The following FKBP9 variants were observed in gnomAD, a reference collection of about 807,000 sequenced individuals.
FKBP9 encodes the protein FKBP prolyl isomerase 9, also known as peptidyl-prolyl cis-trans isomerase FKBP9.
A neutral mutation model predicts 55.6 loss-of-function variants in FKBP9; 27 were observed. The observed-to-expected ratio is 0.49, with a 90% CI of 0.36 to 0.67. FKBP9 has a LOEUF of 0.67. FKBP9 is among the 30% of genes least tolerant of loss of function. The pLI is 0.00. For synonymous variants in FKBP9, 267 were observed against 296.5 expected (o/e 0.90, Z 1.02); for missense variants, 539 against 742.8 (o/e 0.73, Z 3.19).
At chr7:32,984,501 A>T (rs1421172593) in intron 5 of FKBP9, among the ~76,000 whole-genome samples, 14 of 151,702 alleles carry the variant, frequency 9.2e-5, no homozygotes. Context: ...CAAGTTATCC[A>T]CTCGCCTGGG....
intron 6 of FKBP9, among the ~76,000 whole-genome samples, chr7:32,993,641 A>G (rs1446165947): frequency 6.6e-6 from 1 of 152,286 alleles, no homozygotes; most frequent in Non-Finnish European, 1.5e-5. Flanking sequence ...CCTGGCCAAC[A>G]TGGTGAAACC....
intron 6 of FKBP9, chr7:32,993,057 A>G (rs1784715624): frequency 4.3e-6 from 1 of 232,450 alleles, no homozygotes; most frequent in South Asian, 1.8e-4. Flanking sequence ...GACTGCTGAC[A>G]TCAGATCCCA....
At chr7:32,985,419 G>A (rs1478938019) in intron 5 of FKBP9, among the ~76,000 whole-genome samples, 1 of 151,444 alleles carries the variant, frequency 6.6e-6, no homozygotes, top group African/African-American at 2.4e-5. Context: ...GACCTCAAGT[G>A]ATCACCCACC....
chr7:32,999,495 C>CT (rs1784887961), intron 7 of FKBP9, among the ~76,000 whole-genome samples: 1 of 131,380 alleles, frequency 7.6e-6, no homozygotes, highest in African/African-American at 2.9e-5. Context: ...TTTTTTTAGT[C>CT]TTAGACTGCT....
chr7:32,966,955 C>A (rs1784156922), intron 1 of FKBP9, among the ~76,000 whole-genome samples: 1 of 152,082 alleles, frequency 6.6e-6, no homozygotes, highest in Non-Finnish European at 1.5e-5. Context: ...TTGGCATGGA[C>A]ACAGATCCAA....
chr7:33,006,220 C>A lies in FKBP9; in HGVS notation c.*869C>A, dbSNP rs190150796. On this transcript the variant is annotated 3_prime_UTR_variant, in exon 10 of 10. Coordinates refer to ENST00000242209, the MANE Select transcript of FKBP9 (RefSeq NM_007270.5). ...GCAGCCTCCGCCTCCCGTATTCAAG[C>A]GATTCTCCTGTCTCAGCCTCCTGAG... 1 of 192,388 alleles carries A rather than the reference C, an allele frequency of 5.2e-6. No individual in the cohort carries two copies. The highest frequency in any genetic ancestry group is 8.2e-5 in the East Asian group (1 of 12,162). 11.9% of individuals were successfully genotyped at this position (192,388 alleles called of 1,614,324 possible).
intron 4 of FKBP9, among the ~76,000 whole-genome samples, chr7:32,978,346 C>A (rs1375176973): frequency 1.3e-5 from 2 of 151,716 alleles, no homozygotes; most frequent in African/African-American, 4.8e-5. Flanking sequence ...TCTTAATTCT[C>A]CCCCCCACTG....
chr7:32,964,509 A>G (rs1324531768), intron 1 of FKBP9, among the ~76,000 whole-genome samples: 2 of 152,224 alleles, frequency 1.3e-5, no homozygotes, highest in African/African-American at 4.8e-5. Flanking sequence ...CCAAGCCAAC[A>G]GCTCATGTTT....
Position 33,002,714 on chromosome 7 carries a change from A to G in FKBP9, c.1411A>G (p.Ile471Val), listed in dbSNP as rs780944160. Residue 471 changes from isoleucine to valine, a missense_variant, in exon 9 of 10, where the codon ATT (isoleucine) becomes GTT (valine). Physicochemically the swap from Ile to Val is conservative, Grantham distance 29. Coordinates refer to ENST00000242209, the MANE Select transcript of FKBP9 (RefSeq NM_007270.5). Reference protein sequence around the residue: ...VPGSAVLVFDIELLELVAGLP... With the variant: ...VPGSAVLVFDVELLELVAGLP... ...CGGCAGTGCCGTATTAGTGTTTGAC[A>G]TTGAGCTGCTGGAGCTGGTGGCTGG... is the stretch of plus-strand genomic sequence containing the variant. 13 of 1,614,058 alleles carry G rather than the reference A, an allele frequency of 8.1e-6. No individual in the cohort carries two copies. In the South Asian group the frequency reaches 1.2e-4, roughly 15 times the overall value.
chr7:33,002,423 A>G (rs1037023142), intron 8 of FKBP9, among the ~76,000 whole-genome samples: 4 of 152,170 alleles, frequency 2.6e-5, no homozygotes, highest in African/African-American at 9.6e-5. Flanking sequence ...GTGAGCCACC[A>G]TGCCTGGCCT....
chr7:33,000,078 T>TG (rs1784903448), intron 7 of FKBP9, 37 bp from the exon 8 acceptor site: 1 of 1,613,694 alleles, frequency 6.2e-7, no homozygotes, highest in South Asian at 1.1e-5. Flanking sequence ...GCCAATGGGT[T>TG]GGTGACCTAA....
chr7:32,958,911 A>G (rs899896470), intron 1 of FKBP9, among the ~76,000 whole-genome samples: 1 of 152,144 alleles, frequency 6.6e-6, no homozygotes, highest in African/African-American at 2.4e-5. Context: ...CCCTTCGCGA[A>G]CACTAGATCA....
Position 33,000,160 on chromosome 7 carries a change from A to G in FKBP9, c.1272A>G (p.Gln424=), listed in dbSNP as rs754296702. 21 of 1,613,826 alleles carry G rather than the reference A, an allele frequency of 1.3e-5. No individual in the cohort carries two copies. The highest frequency in any genetic ancestry group is 1.6e-4 in the Middle Eastern group (1 of 6,084). Residue 424 remains glutamine, a synonymous_variant, in exon 8 of 10, where the codon CAA becomes CAG. Transcript: ENST00000242209. ...KTYNIVLGSG[Q]VVLGMDMGLR... is the part of the protein sequence containing the mutation. ...ACAATATTGTTCTGGGATCTGGGCA[A>G]GTTGTGTTGGGGATGGACATGGGTC...
intron 1 of FKBP9, among the ~76,000 whole-genome samples, chr7:32,973,693 T>TGG (rs796489652): frequency 3.3e-4 from 21 of 64,140 alleles, no homozygotes; most frequent in Non-Finnish European, 4.8e-4. Context: ...TTTTTTTTTT[T>TGG]TTTTTTTTTT....
intron 6 of FKBP9, among the ~76,000 whole-genome samples, chr7:32,990,794 T>G (rs1473108379): frequency 2.0e-5 from 3 of 152,258 alleles, no homozygotes; most frequent in African/African-American, 7.2e-5. Flanking sequence ...GCTGTACATT[T>G]ATTTTGTTAG....
At chr7:32,964,112 T>C (rs1784085706) in intron 1 of FKBP9, among the ~76,000 whole-genome samples, 1 of 152,246 alleles carries the variant, frequency 6.6e-6, no homozygotes, top group Admixed American at 6.5e-5. Context: ...GCTCTTTTTA[T>C]GGAGAAGGAG....
At chr7:32,962,963 A>G (rs2127975986) in intron 1 of FKBP9, among the ~76,000 whole-genome samples, 1 of 152,074 alleles carries the variant, frequency 6.6e-6, no homozygotes, top group Non-Finnish European at 1.5e-5. Context: ...CAGATTCTGG[A>G]CTGGGGAGCT....
In FKBP9 at chr7:33,002,777, G is replaced by A; in HGVS notation, c.1474G>A (p.Val492Met). The A allele has an allele frequency of 1.2e-6, 2 of 1,614,234 alleles. No homozygotes were observed. Among genetic ancestry groups the A allele is most frequent in the Non-Finnish European group, 1.7e-6 (2 of 1,180,046 alleles). ...EGYMFIWNGE[V>M]SPNLFEEIDK... is the part of the protein sequence containing the mutation. ...GTACATGTTCATATGGAATGGTGAG[G>A]TGTCACCCAACCTCTTTGAAGAAAT... The change falls in exon 9 of 10, where the codon GTG becomes ATG. Residue 492 changes from valine (V) to methionine (M), a missense_variant. This residue lies in a region of FKBP9 where 102 missense variants were observed against 200.7 expected (regional missense o/e 0.51). Transcript: ENST00000242209.
chr7:32,967,071 C>G (rs1056190481), intron 1 of FKBP9, among the ~76,000 whole-genome samples: 3 of 152,130 alleles, frequency 2.0e-5, no homozygotes, highest in Non-Finnish European at 2.9e-5. Flanking sequence ...TGGCCCTAAA[C>G]TAAAGGGCCC....
Sources: gnomAD v4.1 joint callset for allele counts (sites outside exome capture counted in the v4.1 genomes callset) on GRCh38, gnomAD v4.1.1 for gene constraint, gnomAD v4.1.1 regional missense constraint, MANE v1.5 for transcripts, NCBI Gene and HGNC (gene_info 2026-07-23, HGNC 2026-07-21) for gene names.